SLC17A1: variants seen among roughly 807,000 people sequenced by gnomAD.
SLC17A1 encodes solute carrier family 17 member 1.
In SLC17A1, 51 loss-of-function variants were observed where a neutral mutation model predicts 53.5. The observed-to-expected ratio is 0.95, with a 90% CI of 0.76 to 1.20. The LOEUF (loss-of-function observed/expected upper bound fraction) is 1.20, where lower values mean the gene tolerates loss of function less well. SLC17A1 is among the 50% of genes most tolerant of loss of function. The probability of loss-of-function intolerance (pLI) is 0.00; values close to 1 mark genes in which losing one functional copy is unlikely to be tolerated. For synonymous variants in SLC17A1, 179 were observed against 198.8 expected, an observed-to-expected ratio of 0.90 and a Z score of 0.84; for missense variants, 538 against 568.2, an observed-to-expected ratio of 0.95 and a Z score of 0.54.
the SLC17A1 span, among the ~76,000 whole-genome samples, chr6:25,746,497 T>C: frequency 6.6e-6 from 1 of 152,150 alleles, no homozygotes; most frequent in South Asian, 2.1e-4. Context: ...GGATAAATTA[T>C]AAAAATTGTT....
the SLC17A1 span, among the ~76,000 whole-genome samples, chr6:25,770,638 G>A: frequency 0.32 from 48,543 of 152,056 alleles, 9,522 homozygotes; most frequent in South Asian, 0.45. Flanking sequence ...TAAACTGAAT[G>A]CTTACTATGT....
chr6:25,737,022 G>A, the SLC17A1 span, among the ~76,000 whole-genome samples: 1 of 152,172 alleles, frequency 6.6e-6, no homozygotes, highest in East Asian at 1.9e-4. Flanking sequence ...AACTTTGGGA[G>A]AAATTTAGTT....
At chr6:25,830,749 G>T in intron 1 of SLC17A1, 142 bp from the exon 2 acceptor site, 2 of 484,350 alleles carry the variant, frequency 4.1e-6, no homozygotes, top group Admixed American at 3.2e-5. Context: ...TCCATTATGT[G>T]CTTCCCTTGA....
At chr6:25,746,943 G>A in the SLC17A1 span, among the ~76,000 whole-genome samples, 2 of 152,170 alleles carry the variant, frequency 1.3e-5, no homozygotes, top group African/African-American at 4.8e-5. Context: ...TCTACTGATT[G>A]ATTCATCAGG....
the SLC17A1 span, among the ~76,000 whole-genome samples, chr6:25,759,057 A>G: frequency 2.5e-3 from 382 of 152,278 alleles, 1 homozygote; most frequent in Middle Eastern, 0.024. Context: ...TTGTTGAGCC[A>G]ATGATCATTT....
the SLC17A1 span, among the ~76,000 whole-genome samples, chr6:25,766,129 TATA>T: frequency 6.6e-6 from 1 of 150,470 alleles, no homozygotes; most frequent in Admixed American, 6.6e-5. Context: ...ATATTTAAAA[TATA>T]ATTGAATTAT....
intron 2 of SLC17A1, among the ~76,000 whole-genome samples, 169 bp downstream of exon 2, chr6:25,830,355 T>C (rs562059641): frequency 2.0e-4 from 31 of 152,322 alleles, no homozygotes; most frequent in African/African-American, 7.0e-4. Flanking sequence ...TCTTTTTATT[T>C]AGGGCTTTTC....
the SLC17A1 span, among the ~76,000 whole-genome samples, chr6:25,764,476 A>T: frequency 0.3 from 45,432 of 152,182 alleles, 7,768 homozygotes; most frequent in East Asian, 0.74. Context: ...AGTACTTCCA[A>T]CTAGATTGAA....
chr6:25,800,791 C>T, intron 11 of SLC17A1, 99 bp downstream of exon 11: 1 of 731,924 alleles, frequency 1.4e-6, no homozygotes, highest in Non-Finnish European at 2.4e-6. Context: ...ACTCATAAGT[C>T]ATCTCCTTCT....
the SLC17A1 span, among the ~76,000 whole-genome samples, chr6:25,729,085 T>C: frequency 1.3e-5 from 2 of 152,156 alleles, no homozygotes; most frequent in Non-Finnish European, 2.9e-5. Context: ...CCTGTCGACT[T>C]TGTGACCACT....
At chr6:25,788,856 C>T (rs147408637) in intron 12 of SLC17A1, among the ~76,000 whole-genome samples, 58 of 152,214 alleles carry the variant, frequency 3.8e-4, no homozygotes, top group African/African-American at 1.4e-3. Context: ...CTAATAGGAG[C>T]TCACTGCTGG....
At chr6:25,734,488 G>T in the SLC17A1 span, among the ~76,000 whole-genome samples, 32 of 152,164 alleles carry the variant, frequency 2.1e-4, no homozygotes, top group Admixed American at 7.8e-4. Context: ...CTAACGAAAT[G>T]GTTTCAAATT....
chr6:25,805,065 G>A (rs1763907805), intron 10 of SLC17A1, among the ~76,000 whole-genome samples: 1 of 151,884 alleles, frequency 6.6e-6, no homozygotes, highest in African/African-American at 2.4e-5. Context: ...TTCTACCCAA[G>A]AACTGCAGAA....
At chr6:25,829,287 A>G (rs558751308) in intron 2 of SLC17A1, among the ~76,000 whole-genome samples, 30 of 152,260 alleles carry the variant, frequency 2.0e-4, no homozygotes, top group African/African-American at 5.5e-4. Flanking sequence ...ACATGGTTCA[A>G]TGGAGGATGA....
rs1561844549 is a variant in SLC17A1, at chr6:25,826,613, G to GA, written c.54dup (p.Arg19SerfsTer12). ...TGCACAAGGAAAGACAATCCATAGC[G>GA]AAAGGAACAGAAACCTGGAACTACA... On this transcript the variant is annotated frameshift_variant, in exon 3 of 13. Coordinates refer to ENST00000244527, the MANE Select transcript of SLC17A1 (RefSeq NM_005074.5). LOFTEE classifies it high-confidence loss of function. 1.3e-6 allele frequency: 2 copies of GA among 1,572,630 alleles called. No individual in the cohort carries two copies. Among genetic ancestry groups the GA allele is most frequent in the Non-Finnish European group, 1.7e-6 (2 of 1,158,068 alleles).
chr6:25,732,515 G>T, the SLC17A1 span: 1 of 433,018 alleles, frequency 2.3e-6, no homozygotes, highest in Non-Finnish European at 4.4e-6. Flanking sequence ...AGTTCCCCGT[G>T]GGCGGTGTCA....
chr6:25,748,416 A>T, the SLC17A1 span, among the ~76,000 whole-genome samples: 1 of 152,210 alleles, frequency 6.6e-6, no homozygotes, highest in African/African-American at 2.4e-5. Flanking sequence ...AAACTAAGAA[A>T]ATAGATATAT....
chr6:25,737,188 C>T, the SLC17A1 span, among the ~76,000 whole-genome samples: 37 of 152,194 alleles, frequency 2.4e-4, no homozygotes, highest in African/African-American at 8.7e-4. Flanking sequence ...AGATTTGCAA[C>T]TTCTCCAATT....
At chr6:25,727,334 C>T in the SLC17A1 span, 3 of 1,522,632 alleles carry the variant, frequency 2.0e-6, no homozygotes, top group Non-Finnish European at 2.7e-6. Context: ...AGGCTCTTTT[C>T]AGAGCCACTT....
Sources: gnomAD v4.1 joint callset for allele counts (sites outside exome capture counted in the v4.1 genomes callset) on GRCh38, gnomAD v4.1.1 for gene constraint, MANE v1.5 for transcripts, NCBI Gene and HGNC (gene_info 2026-07-23, HGNC 2026-07-21) for gene names.